Variants in LZTS3 observed in about 807,000 individuals in gnomAD.
The protein encoded by LZTS3 is leucine zipper tumor suppressor family member 3, also known as leucine zipper putative tumor suppressor 3.
Under a neutral mutation model 50.9 loss-of-function variants are expected in LZTS3, and 16 were observed. The ratio of observed to expected loss-of-function variants is 0.31; its 90% CI spans 0.21 to 0.48. LZTS3 has a LOEUF of 0.48. LZTS3 is among the 20% of genes least tolerant of loss of function. The pLI, the probability that LZTS3 is intolerant of heterozygous loss-of-function variation, is 0.99. For missense variants in LZTS3, 816 were observed against 931.0 expected (o/e 0.88, Z 1.61); for synonymous variants, 408 against 410.6 (o/e 0.99, Z 0.08).
intron 1 of LZTS3, among the ~76,000 whole-genome samples, chr20:3,171,089 T>C (rs1036812698): frequency 2.6e-5 from 4 of 152,220 alleles, no homozygotes; most frequent in Non-Finnish European, 5.9e-5. Flanking sequence ...AGTGATCATG[T>C]TGACCTTGAG....
intron 1 of LZTS3, among the ~76,000 whole-genome samples, chr20:3,171,205 T>C (rs2145223): frequency 0.13 from 20,408 of 152,072 alleles, 1,584 homozygotes; most frequent in African/African-American, 0.19. Context: ...TGAGCATAGG[T>C]TGGGGCTGGT....
intron 1 of LZTS3, among the ~76,000 whole-genome samples, chr20:3,169,020 T>C (rs1316243124): frequency 6.6e-6 from 1 of 152,162 alleles, no homozygotes; most frequent in Non-Finnish European, 1.5e-5. Flanking sequence ...AGAATTCCAT[T>C]CTCAGCATCT....
Position 3,165,528 on chromosome 20 carries a change from A to AAACTATCCCACTT in LZTS3, c.1291_1292insAAGTGGGATAGTT (p.Phe431Ter). On this transcript the variant is annotated stop_gained and frameshift_variant, in exon 4 of 5. Coordinates refer to ENST00000337576, the MANE Select transcript of LZTS3 (RefSeq NM_001365618.1). LOFTEE classifies it high-confidence loss of function. The surrounding 1 kb of genome is among the most constrained non-coding windows in gnomAD (Gnocchi z 5.0). ...CTTAGTTTCCTCTATCCGGGGCAGG[A>AAACTATCCCACTT]AGTCGGCCTGCTCCTTCTGGCAGGC... 1 of 1,562,818 alleles carries AAACTATCCCACTT rather than the reference A, an allele frequency of 6.4e-7. No individual in the cohort carries two copies.
chr20:3,166,994 G>C lies in LZTS3; in HGVS notation c.170C>G (p.Thr57Ser). 3.1e-6 allele frequency: 5 copies of C among 1,596,342 alleles called. No individual in the cohort carries two copies. Among genetic ancestry groups the C allele is most frequent in the Non-Finnish European group, 4.2e-6 (5 of 1,177,422 alleles). ...AQEFAMKSVG[T>S]RTGGGGSQGS... ...CTGGCTGCCCCCACCCCCTGTGCGG[G>C]TACCCACGCTCTTCATGGCAAACTC... Residue 57 changes from threonine to serine, a missense_variant, in exon 3 of 5, where the codon ACC becomes AGC. Thr to Ser is a moderately conservative substitution (Grantham distance 58, BLOSUM62 1). Transcript: ENST00000337576.
Position 3,162,707 on chromosome 20 carries a change from T to C in LZTS3, c.*1747A>G, listed in dbSNP as rs896520057. 9.2e-5 allele frequency: 14 copies of C among 152,120 alleles called. No individual in the cohort carries two copies. The highest frequency in any genetic ancestry group is 3.4e-4 in the African/African-American group (14 of 41,430). The allele number at this position is 152,120 out of a possible 1,614,324, so 9.4% of individuals were successfully genotyped here. On this transcript the variant is annotated 3_prime_UTR_variant, in exon 5 of 5. Transcript: ENST00000337576. The surrounding 1 kb of genome is among the most constrained non-coding windows in gnomAD (Gnocchi z 5.0). ...CATATGGTAGAGATATATATTTATA[T>C]ATATTTATATATAATTTCTTTTGTG...
At chr20:3,166,682 G>C (rs1489969723) in intron 3 of LZTS3, 23 bp downstream of exon 3, 1 of 1,602,392 alleles carries the variant, frequency 6.2e-7, no homozygotes, top group South Asian at 1.1e-5. Flanking sequence ...AGGCTGTGAG[G>C]GTCTCAGGCC....
chr20:3,170,100 A>G (rs1203030612), intron 1 of LZTS3, among the ~76,000 whole-genome samples: 1 of 152,112 alleles, frequency 6.6e-6, no homozygotes, highest in African/African-American at 2.4e-5. Context: ...TGTTAAAAAT[A>G]ACAGGGCCAG....
chr20:3,165,034 C>G lies in LZTS3; in HGVS notation c.1442G>C (p.Arg481Pro), dbSNP rs371710916. 6.4e-7 allele frequency: 1 copy of G among 1,567,008 alleles called. No individual in the cohort carries two copies. Reference sequence around the variant, plus strand: ...CTCCTCCTTCTCCCGCAGCGAAGCCCGGCCCTCCCGCAGCTGCGAGCGCAG... The same window carrying G: ...CTCCTCCTTCTCCCGCAGCGAAGCCGGGCCCTCCCGCAGCTGCGAGCGCAG... ...VGLRSQLREG[R>P]ASLREKEEQL... Residue 481 changes from arginine to proline, a missense_variant, in exon 5 of 5, where the codon CGG becomes CCG. Physicochemically the swap from Arg to Pro is moderately radical, Grantham distance 103. Coordinates refer to ENST00000337576, the MANE Select transcript of LZTS3 (RefSeq NM_001365618.1). The surrounding 1 kb of genome is among the most constrained non-coding windows in gnomAD (Gnocchi z 5.0).
At chr20:3,167,328 G>T in intron 2 of LZTS3, 147 bp from the exon 3 acceptor site, 1 of 1,379,578 alleles carries the variant, frequency 7.2e-7, no homozygotes, top group Non-Finnish European at 9.4e-7. Flanking sequence ...CAAGGTGAAG[G>T]AATAAGGCTG....
chr20:3,169,283 C>G (rs1760423476), intron 1 of LZTS3, among the ~76,000 whole-genome samples: 2 of 152,226 alleles, frequency 1.3e-5, no homozygotes, highest in Admixed American at 6.5e-5. Flanking sequence ...TGCCTCAGCC[C>G]TGCAACCCCC....
chr20:3,166,757 C>T lies in LZTS3; in HGVS notation c.407G>A (p.Arg136His), dbSNP rs147213975. 839 of 1,613,928 alleles carry T rather than the reference C, an allele frequency of 5.2e-4. No individual in the cohort carries two copies. Among genetic ancestry groups the T allele is most frequent in the African/African-American group, 7.2e-4 (54 of 75,054 alleles). ...GAGCTTGGGTGGGTGGCTGGGCTCA[C>T]GATACTGCGGTGGGGCTTTGTCACT... ...GGSDKAPPQYREPSHPPKLLA... is the reference protein window; with the variant it reads ...GGSDKAPPQYHEPSHPPKLLA... Residue 136 changes from arginine (R) to histidine (H), a missense_variant, in exon 3 of 5, where the codon CGT (arginine) becomes CAT (histidine). Arg to His is a conservative substitution (Grantham distance 29). Transcript: ENST00000337576.
At chr20:3,167,281 C>T in intron 2 of LZTS3, 100 bp from the exon 3 acceptor site, 1 of 1,401,266 alleles carries the variant, frequency 7.1e-7, no homozygotes, top group Non-Finnish European at 9.3e-7. Flanking sequence ...CTCAGTGTCC[C>T]CTTCCCTACA....
In LZTS3 at chr20:3,165,129, G is replaced by A. The variant is rs116706499; in HGVS notation, c.1347C>T (p.Ile449=). 5.0e-4 allele frequency: 791 copies of A among 1,580,682 alleles called. 4 individuals are homozygous for A. The African/African-American group carries it at 9.7e-3, about 19-fold the overall frequency. ...CCTTCAGCTGCTGCTTCAGGAGGGA[G>A]ATCTCGCCAGCCTTCTGGCACACCT... ...KWEVCQKAGE[I]SLLKQQLKDS... The change falls in exon 5 of 5, where the codon ATC becomes ATT. Residue 449 remains isoleucine, a synonymous_variant. Transcript: ENST00000337576. The surrounding 1 kb of genome is among the most constrained non-coding windows in gnomAD (Gnocchi z 5.0).
Position 3,167,906 on chromosome 20 carries a change from C to G in LZTS3, c.-187G>C, listed in dbSNP as rs1291322333. The G allele has an allele frequency of 2.1e-6, 2 of 972,974 alleles. No homozygotes were observed. The highest frequency in any genetic ancestry group is 2.4e-6 in the Non-Finnish European group (2 of 818,606). The allele number at this position is 972,974 out of a possible 1,614,324, so 60.3% of individuals were successfully genotyped here. A position where few individuals can be genotyped will look rare whatever the true frequency, so the allele number is the denominator to read the frequency against. On this transcript the variant is annotated 5_prime_UTR_variant, in exon 2 of 5. Coordinates refer to ENST00000337576, the MANE Select transcript of LZTS3 (RefSeq NM_001365618.1). ...CTCGCAGTCGGGGCTCGGCCCGAAC[C>G]AGCTGCGCGACTTTGGAGGGGCCGA...
chr20:3,166,506 C>T, intron 3 of LZTS3, 146 bp from the exon 4 acceptor site: 1 of 1,214,374 alleles, frequency 8.2e-7, no homozygotes, highest in Non-Finnish European at 1.1e-6. Context: ...GGTTCTACCT[C>T]ATGGCTCCCT....
Position 3,164,316 on chromosome 20 carries a change from A to G in LZTS3, c.*138T>C. The G allele has an allele frequency of 1.1e-6, 1 of 903,770 alleles. No individual in the cohort carries two copies. Among genetic ancestry groups the G allele is most frequent in the East Asian group, 3.2e-5 (1 of 31,398 alleles). The allele number at this position is 903,770 out of a possible 1,614,324, so 56.0% of individuals were successfully genotyped here. The stretch of plus-strand genomic sequence containing the variant: ...TAGGAGGGCAGGTGGGGAGGGAGGA[A>G]CCTGGTCACAGCTGCTTAGAGAACC... On this transcript the variant is annotated 3_prime_UTR_variant, in exon 5 of 5. Transcript: ENST00000337576.
rs112333966 is a variant in LZTS3, at chr20:3,167,430, T to TGCTCA, written c.-18-254_-18-250dup. 2,173 of 1,213,392 alleles carry TGCTCA rather than the reference T, an allele frequency of 1.8e-3. 14 individuals are homozygous for TGCTCA. The highest frequency in any genetic ancestry group is 0.016 in the African/African-American group (1,040 of 64,242). 75.2% of individuals were successfully genotyped at this position (1,213,392 alleles called of 1,614,324 possible). On this transcript the variant is annotated intron_variant, in intron 2 of 4. Coordinates refer to ENST00000337576, the MANE Select transcript of LZTS3 (RefSeq NM_001365618.1). The stretch of plus-strand genomic sequence containing the variant: ...GCTCCATGCACATAGCCCCCAGCGT[T>TGCTCA]GCTCAGCTCAGCTCAGCTCAGCTCA...
In LZTS3 at chr20:3,167,809, GGT is replaced by G; in HGVS notation, c.-92_-91del. 2.0e-6 allele frequency: 2 copies of G among 985,478 alleles called. No individual in the cohort carries two copies. The highest frequency in any genetic ancestry group is 2.4e-6 in the Non-Finnish European group (2 of 829,988). 61.0% of individuals were successfully genotyped at this position (985,478 alleles called of 1,614,324 possible). ...GGCTTCTCTCCTTGCCTTTCCAAGG[GGT>G]TGAGGGGCCGACGGGTCCTCAAGCC... On this transcript the variant is annotated 5_prime_UTR_variant, in exon 2 of 5. An upstream open reading frame in the 5' UTR gains an earlier in-frame stop. Coordinates refer to ENST00000337576, the MANE Select transcript of LZTS3 (RefSeq NM_001365618.1).
rs1212648652 is a variant in LZTS3, at chr20:3,164,437, C to T, written c.*17G>A. 8.7e-6 allele frequency: 13 copies of T among 1,502,142 alleles called. No individual in the cohort carries two copies. Among genetic ancestry groups the T allele is most frequent in the Non-Finnish European group, 1.2e-5 (13 of 1,124,792 alleles). The allele number at this position is 1,502,142 out of a possible 1,614,324, so 93.1% of individuals were successfully genotyped here. ...TTTTGACAGGACATGTGTCAAAATG[C>T]CGAGTGCCCAGGTCGATCAGATTTC... is the stretch of plus-strand genomic sequence containing the variant. On this transcript the variant is annotated 3_prime_UTR_variant, in exon 5 of 5. Coordinates refer to ENST00000337576, the MANE Select transcript of LZTS3 (RefSeq NM_001365618.1).
Sources: allele counts gnomAD v4.1 joint callset (sites outside exome capture counted in the v4.1 genomes callset), GRCh38; gene constraint gnomAD v4.1.1; non-coding constraint Gnocchi (gnomAD v3.1); transcripts MANE v1.5; gene names NCBI Gene and HGNC (gene_info 2026-07-23, HGNC 2026-07-21).